The following GTF2E2 variants were observed in gnomAD, a reference collection of about 807,000 sequenced individuals.
The protein encoded by GTF2E2 is transcription initiation factor IIE subunit beta.
GTF2E2 carries 21 observed loss-of-function variants against 40.5 expected under a neutral mutation model. The observed-to-expected ratio is 0.52, with a 90% CI of 0.37 to 0.75. The LOEUF is 0.75. Among genes scored for constraint, GTF2E2 ranks in the 30% least tolerant of loss-of-function variants. GTF2E2 has a pLI of 0.00. For missense variants in GTF2E2, 298 were observed against 338.4 expected, an observed-to-expected ratio of 0.88 and a Z score of 0.94; for synonymous variants, 117 against 121.6, an observed-to-expected ratio of 0.96 and a Z score of 0.25.
intron 5 of GTF2E2, among the ~76,000 whole-genome samples, chr8:30,611,414 A>G (rs551572159): frequency 2.0e-5 from 3 of 152,348 alleles, no homozygotes; most frequent in East Asian, 1.9e-4. Flanking sequence ...TAAAGCAGCT[A>G]TAAGAAATCA....
At chr8:30,657,342 C>G (rs1259591166) in intron 1 of GTF2E2, among the ~76,000 whole-genome samples, 1 of 152,148 alleles carries the variant, frequency 6.6e-6, no homozygotes, top group Non-Finnish European at 1.5e-5. Context: ...AAATCTGCCT[C>G]CAAGCCCACG....
At position 30,647,143 on chromosome 8, in the gene GTF2E2, T is replaced by C. The variant is rs552741479; in HGVS notation, c.166+6290A>G. Among the ~76,000 whole-genome samples, 20 of 152,186 alleles carry C rather than the reference T, an allele frequency of 1.3e-4. 1 individual carries two copies. The South Asian group carries it at 3.7e-3, about 28-fold the overall frequency. ...TGAAAACAAATATGGAGAATTAGAA[T>C]AGCTGGTATATTAAGAGGGCTGTGG... On this transcript the variant is annotated intron_variant, in intron 2 of 7. Transcript: ENST00000355904.
intron 1 of GTF2E2, among the ~76,000 whole-genome samples, 173 bp from the exon 2 acceptor site, chr8:30,653,775 T>C (rs1802363205): frequency 7.2e-5 from 11 of 152,114 alleles, no homozygotes; most frequent in Admixed American, 6.6e-4. Context: ...TCATTAGCGC[T>C]TATTACACGC....
intron 5 of GTF2E2, among the ~76,000 whole-genome samples, chr8:30,611,452 G>C (rs1002884302): frequency 3.3e-5 from 5 of 152,046 alleles, no homozygotes; most frequent in African/African-American, 1.2e-4. Flanking sequence ...AAAGATACTT[G>C]TCACGAATGG....
intron 2 of GTF2E2, 105 bp downstream of exon 2, chr8:30,653,328 C>G (rs1188596089): frequency 1.3e-6 from 1 of 765,936 alleles, no homozygotes; most frequent in African/African-American, 1.7e-5. Context: ...AACAAAGTGC[C>G]TATCAACATG....
intron 5 of GTF2E2, among the ~76,000 whole-genome samples, chr8:30,609,277 AAAAGAGAAAG>A (rs1226040635): frequency 6.8e-4 from 70 of 102,666 alleles, no homozygotes; most frequent in African/African-American, 2.7e-3. Context: ...AAAAAAAAAA[AAAAGAGAAAG>A]AAAGAAAGAA....
At chr8:30,579,676 G>A (rs546559783) in intron 7 of GTF2E2, among the ~76,000 whole-genome samples, 3 of 152,106 alleles carry the variant, frequency 2.0e-5, no homozygotes, top group African/African-American at 7.2e-5. Context: ...ATAAGGAAAG[G>A]GGGGAGGAGC....
chr8:30,599,844 G>A (rs1296994020), intron 6 of GTF2E2, among the ~76,000 whole-genome samples: 1 of 151,978 alleles, frequency 6.6e-6, no homozygotes, highest in African/African-American at 2.4e-5. Context: ...TTAGCTGGGC[G>A]TGGTGGCACC....
chr8:30,579,283 T>A (rs1476614124), intron 7 of GTF2E2, among the ~76,000 whole-genome samples: 1 of 152,066 alleles, frequency 6.6e-6, no homozygotes, highest in Non-Finnish European at 1.5e-5. Flanking sequence ...GCCAAAATGG[T>A]TCTAGGCACT....
At chr8:30,642,998 G>A (rs1801905372) in intron 2 of GTF2E2, among the ~76,000 whole-genome samples, 1 of 152,134 alleles carries the variant, frequency 6.6e-6, no homozygotes, top group Non-Finnish European at 1.5e-5. Flanking sequence ...TGCCCACGCT[G>A]GAGTGCAATG....
In GTF2E2 at chr8:30,590,694, C is replaced by CTT. The variant is rs879811892; in HGVS notation, c.644-10300_644-10299dup. The stretch of plus-strand genomic sequence containing the variant: ...TAAAGGACTTGATTGAAATCAAAAA[C>CTT]TTTTTTTTTTTTTTGAGACAGAGTT... On this transcript the variant is annotated intron_variant, in intron 6 of 7. Transcript: ENST00000355904. Among the ~76,000 whole-genome samples the CTT allele has an allele frequency of 4.8e-5, 7 of 145,722 alleles. No homozygotes were observed. The East Asian group carries it at 1.0e-3, about 21-fold the overall frequency.
chr8:30,620,967 A>C (rs1801082479), intron 3 of GTF2E2, among the ~76,000 whole-genome samples: 2 of 151,816 alleles, frequency 1.3e-5, no homozygotes, highest in South Asian at 4.1e-4. Flanking sequence ...AAAAAAACAG[A>C]GGAGAGCAGT....
At chr8:30,617,614 T>C (rs1415660787) in intron 3 of GTF2E2, among the ~76,000 whole-genome samples, 1 of 152,028 alleles carries the variant, frequency 6.6e-6, no homozygotes, top group Non-Finnish European at 1.5e-5. Context: ...TAATCAGGTA[T>C]GGTGGCACAC....
Position 30,612,498 on chromosome 8 carries a change from A to G in GTF2E2, c.367-17T>C. 1 of 1,413,180 alleles carries G rather than the reference A, an allele frequency of 7.1e-7. No individual in the cohort carries two copies. Among genetic ancestry groups the G allele is most frequent in the Non-Finnish European group, 9.9e-7 (1 of 1,009,744 alleles). 87.5% of individuals were successfully genotyped at this position (1,413,180 alleles called of 1,614,324 possible). ...GACTAAAGCCTGTAACAGTGATACA[A>G]TTGGAATATATTAACAAATGGAACA... On this transcript the variant is annotated splice_polypyrimidine_tract_variant and intron_variant, in intron 4 of 7. Transcript: ENST00000355904.
At chr8:30,623,347 C>T (rs953840683) in intron 3 of GTF2E2, among the ~76,000 whole-genome samples, 8 of 152,162 alleles carry the variant, frequency 5.3e-5, no homozygotes, top group Non-Finnish European at 1.0e-4. Flanking sequence ...TTTCCAGCTT[C>T]ATCCATGTCC....
intron 2 of GTF2E2, among the ~76,000 whole-genome samples, chr8:30,653,157 A>G (rs1320286439): frequency 6.6e-6 from 1 of 152,246 alleles, no homozygotes; most frequent in Non-Finnish European, 1.5e-5. Context: ...TAAATTTACC[A>G]AACATCTTTG....
intron 5 of GTF2E2, among the ~76,000 whole-genome samples, chr8:30,611,645 T>C (rs947571153): frequency 6.6e-6 from 1 of 152,032 alleles, no homozygotes; most frequent in East Asian, 1.9e-4. Context: ...TTGAAATAAA[T>C]AAACAGAGCC....
At chr8:30,638,309 T>C (rs1392912164) in intron 2 of GTF2E2, among the ~76,000 whole-genome samples, 1 of 152,182 alleles carries the variant, frequency 6.6e-6, no homozygotes, top group Non-Finnish European at 1.5e-5. Flanking sequence ...GCCCTAGCAC[T>C]GAAGTATTCA....
intron 2 of GTF2E2, among the ~76,000 whole-genome samples, chr8:30,651,566 G>T (rs1489579218): frequency 6.6e-6 from 1 of 152,132 alleles, no homozygotes; most frequent in African/African-American, 2.4e-5. Flanking sequence ...ACCAGCCTGG[G>T]CAACAGAGCA....
Sources: allele counts gnomAD v4.1 joint callset (sites outside exome capture counted in the v4.1 genomes callset), GRCh38; gene constraint gnomAD v4.1.1; transcripts MANE v1.5; gene names NCBI Gene and HGNC (gene_info 2026-07-23, HGNC 2026-07-21).